The following AASDH variants were observed in gnomAD, a reference collection of about 807,000 sequenced individuals.
AASDH encodes the protein beta-alanine-activating enzyme.
A neutral mutation model predicts 102.3 loss-of-function variants in AASDH; 81 were observed. That is an observed-to-expected ratio of 0.79 (90% confidence interval 0.66 to 0.95). The LOEUF is 0.95. AASDH is among the 40% of genes least tolerant of loss of function. The pLI, the probability that AASDH is intolerant of heterozygous loss-of-function variation, is 0.00. For synonymous variants in AASDH, 398 were observed against 454.0 expected, an observed-to-expected ratio of 0.88 and a Z score of 1.57; for missense variants, 1,203 against 1,266.2, an observed-to-expected ratio of 0.95 and a Z score of 0.76.
chr4:56,378,024 T>C, intron 4 of AASDH, 124 bp downstream of exon 4: 1 of 920,606 alleles, frequency 1.1e-6, no homozygotes, highest in Non-Finnish European at 1.6e-6. Context: ...CAGGCTGATC[T>C]TGAACTCCTG....
chr4:56,366,167 C>A (rs539178026), intron 5 of AASDH, among the ~76,000 whole-genome samples: 1 of 152,116 alleles, frequency 6.6e-6, no homozygotes, highest in Non-Finnish European at 1.5e-5. Flanking sequence ...AAGACTAAAC[C>A]AGGAAGAAGT....
At chr4:56,372,752 TATA>T (rs145501316) in intron 4 of AASDH, among the ~76,000 whole-genome samples, 2,419 of 152,334 alleles carry the variant, frequency 0.016, 72 homozygotes, top group African/African-American at 0.055. Flanking sequence ...CCCACACTCT[TATA>T]AACAAAAGAC....
chr4:56,340,990 T>C (rs1043952102), intron 14 of AASDH, among the ~76,000 whole-genome samples: 1 of 152,106 alleles, frequency 6.6e-6, no homozygotes, highest in African/African-American at 2.4e-5. Flanking sequence ...CAAGTTAAAA[T>C]GGCTATTACT....
chr4:56,355,382 G>A lies in AASDH; in HGVS notation c.903C>T (p.Ile301=), dbSNP rs748794038. 74 of 1,613,912 alleles carry A rather than the reference G, an allele frequency of 4.6e-5. No homozygotes were observed. The highest frequency in any genetic ancestry group is 5.8e-5 in the Non-Finnish European group (69 of 1,179,908). ...TAGTGGCTGACAAAACAGTTGACTT[G>A]ATAAGCTGAGATCCAAATCTTCTAA... ...TLLRRFGSQL[I]KSTVLSATTS... is the part of the protein sequence containing the mutation. The change falls in exon 6 of 15, where the codon ATC becomes ATT. Residue 301 remains isoleucine (I), a synonymous_variant. Coordinates refer to ENST00000205214, the MANE Select transcript of AASDH (RefSeq NM_181806.4).
chr4:56,384,533 T>C lies in AASDH; in HGVS notation c.-42-192A>G, dbSNP rs533324056. ...TGAGGTTGAAAATTAACTTGATACA[T>C]CAACCTATGCTGGGTCAGAGCATCA... On this transcript the variant is annotated intron_variant, in intron 1 of 14. Coordinates refer to ENST00000205214, the MANE Select transcript of AASDH (RefSeq NM_181806.4). Among the ~76,000 whole-genome samples, 24 of 152,302 alleles carry C rather than the reference T, an allele frequency of 1.6e-4. No individual in the cohort carries two copies. The East Asian group carries it at 4.0e-3, about 26-fold the overall frequency.
At position 56,380,325 on chromosome 4, in the gene AASDH, T is replaced by C. The variant is rs1011621398; in HGVS notation, c.352-1861A>G. Among the ~76,000 whole-genome samples the C allele has an allele frequency of 3.3e-5, 5 of 152,304 alleles. No individual in the cohort carries two copies. The South Asian group carries it at 1.0e-3, about 32-fold the overall frequency. On this transcript the variant is annotated intron_variant, in intron 3 of 14. Transcript: ENST00000205214. ...GTTGAAAGTAAGGTTTCTTTGAATA[T>C]ATCTTTTTAGGTTGACAACAACAGC...
intron 4 of AASDH, among the ~76,000 whole-genome samples, chr4:56,375,928 C>G (rs1246527426): frequency 6.6e-6 from 1 of 151,772 alleles, no homozygotes; most frequent in African/African-American, 2.4e-5. Context: ...CTAAATGTAT[C>G]TTACTCCTTT....
In AASDH at chr4:56,355,413, G is replaced by C; in HGVS notation, c.872C>G (p.Thr291Arg). The change falls in exon 6 of 15, where the codon ACA becomes AGA. Residue 291 changes from threonine (T) to arginine (R), a missense_variant. By Grantham distance (71) the Thr-to-Arg change is moderately conservative (BLOSUM62 -1). Transcript: ENST00000205214. ...CTGAGATCCAAATCTTCTAAGCAAT[G>C]TTGGTGTTGCCTGTAGATACATTAA... ...HRVTVLQATPTLLRRFGSQLI... is the reference protein window; with the variant it reads ...HRVTVLQATPRLLRRFGSQLI... 1 of 1,613,618 alleles carries C rather than the reference G, an allele frequency of 6.2e-7. No individual in the cohort carries two copies. The highest frequency in any genetic ancestry group is 8.5e-7 in the Non-Finnish European group (1 of 1,179,596).
chr4:56,341,645 C>T (rs1030281267), intron 14 of AASDH, among the ~76,000 whole-genome samples: 5 of 150,616 alleles, frequency 3.3e-5, no homozygotes, highest in African/African-American at 4.9e-5. Context: ...CTGTGATCCT[C>T]CCACCTCGGC....
intron 4 of AASDH, among the ~76,000 whole-genome samples, chr4:56,373,428 C>T (rs186664837): frequency 5.3e-5 from 8 of 152,224 alleles, no homozygotes; most frequent in African/African-American, 1.9e-4. Context: ...CAGGTGTGAG[C>T]CACCGCGCCT....
chr4:56,353,424 G>A lies in AASDH; in HGVS notation c.1556C>T (p.Ser519Phe). ...TTTACCGTGGGATGTAAATGGTAGAGAGTCGATCAATACAAGCTCATCCGG... is the reference window on the plus strand; with the variant it reads ...TTTACCGTGGGATGTAAATGGTAGAAAGTCGATCAATACAAGCTCATCCGG... ...AVPDELVLID[S>F]LPFTSHGKID... Residue 519 changes from serine to phenylalanine, a missense_variant, in exon 9 of 15, where the codon TCT becomes TTT. Physicochemically the swap from Ser to Phe is radical, Grantham distance 155. Transcript: ENST00000205214. 6.2e-7 allele frequency: 1 copy of A among 1,608,992 alleles called. No homozygotes were observed. The highest frequency in any genetic ancestry group is 8.5e-7 in the Non-Finnish European group (1 of 1,178,308).
intron 11 of AASDH, among the ~76,000 whole-genome samples, chr4:56,346,817 C>A (rs1748378689): frequency 6.6e-6 from 1 of 151,978 alleles, no homozygotes; most frequent in African/African-American, 2.4e-5. Context: ...CTGAGGTGGG[C>A]AGATCGCTTG....
chr4:56,349,158 C>A, intron 11 of AASDH, 105 bp downstream of exon 11: 1 of 1,252,446 alleles, frequency 8.0e-7, no homozygotes, highest in Non-Finnish European at 1.1e-6. Context: ...TGGACAGCAA[C>A]CAAACCCATC....
At chr4:56,345,355 T>TAC in intron 11 of AASDH, 65 bp from the exon 12 acceptor site, 1 of 1,463,824 alleles carries the variant, frequency 6.8e-7, no homozygotes, top group Non-Finnish European at 9.4e-7. Context: ...TTCTTTAGCC[T>TAC]ACAGCATGCA....
chr4:56,353,962 C>A lies in AASDH; in HGVS notation c.1383+77G>T, dbSNP rs532346137. On this transcript the variant is annotated intron_variant, in intron 8 of 14. Coordinates refer to ENST00000205214, the MANE Select transcript of AASDH (RefSeq NM_181806.4). ...ATGTCAGGTGTAAATAATAGAGACC[C>A]CAGCACAGAAAATTGGTGGTGGCTG... 1.6e-4 allele frequency: 216 copies of A among 1,344,040 alleles called. No homozygotes were observed. The African/African-American group carries it at 2.9e-3, about 18-fold the overall frequency. 83.3% of individuals were successfully genotyped at this position (1,344,040 alleles called of 1,614,324 possible).
intron 9 of AASDH, among the ~76,000 whole-genome samples, chr4:56,352,482 C>T (rs576699436): frequency 6.6e-6 from 1 of 152,156 alleles, no homozygotes; most frequent in African/African-American, 2.4e-5. Flanking sequence ...CAACCTCTGC[C>T]TCCTGGGTTC....
At chr4:56,357,352 T>C (rs1209782386) in intron 5 of AASDH, among the ~76,000 whole-genome samples, 1 of 152,150 alleles carries the variant, frequency 6.6e-6, no homozygotes, top group Admixed American at 6.5e-5. Flanking sequence ...CAGGCTTCTT[T>C]TATAAGAGCA....
chr4:56,355,435 T>C lies in AASDH; in HGVS notation c.862-12A>G. 1 of 1,597,070 alleles carries C rather than the reference T, an allele frequency of 6.3e-7. No individual in the cohort carries two copies. Among genetic ancestry groups the C allele is most frequent in the Non-Finnish European group, 8.5e-7 (1 of 1,172,422 alleles). On this transcript the variant is annotated splice_polypyrimidine_tract_variant and intron_variant, in intron 5 of 14. Coordinates refer to ENST00000205214, the MANE Select transcript of AASDH (RefSeq NM_181806.4). ...AATGTTGGTGTTGCCTGTAGATACA[T>C]TAAAAATAATTTATTTATTTTCCTT... is the stretch of plus-strand genomic sequence containing the variant.
intron 5 of AASDH, among the ~76,000 whole-genome samples, chr4:56,366,139 C>T (rs988077268): frequency 1.4e-4 from 22 of 152,256 alleles, no homozygotes; most frequent in African/African-American, 5.3e-4. Context: ...ATAAGTTCCT[C>T]AACACATACA....
Sources: allele counts gnomAD v4.1 joint callset (sites outside exome capture counted in the v4.1 genomes callset), GRCh38; gene constraint gnomAD v4.1.1; transcripts MANE v1.5; gene names NCBI Gene and HGNC (gene_info 2026-07-23, HGNC 2026-07-21).